Variants in MTA3 observed in about 807,000 individuals in gnomAD.
The protein encoded by MTA3 is metastasis associated 1 family member 3.
In MTA3, 34 loss-of-function variants were observed where a neutral mutation model predicts 83.5. The ratio of observed to expected loss-of-function variants is 0.41; its 90% confidence interval spans 0.31 to 0.54. MTA3 has a LOEUF of 0.54. MTA3 is among the 20% of genes least tolerant of loss of function. The pLI is 0.33. For synonymous variants in MTA3, 303 were observed against 252.7 expected, an observed-to-expected ratio of 1.20 and a Z score of -1.89; for missense variants, 761 against 726.4, an observed-to-expected ratio of 1.05 and a Z score of -0.55.
chr2:42,646,602 G>C (rs1357394404), intron 6 of MTA3, among the ~76,000 whole-genome samples: 2 of 152,176 alleles, frequency 1.3e-5, no homozygotes, highest in African/African-American at 4.8e-5. Context: ...AGTTATGGTG[G>C]ATATAATATG....
intron 2 of MTA3, among the ~76,000 whole-genome samples, chr2:42,524,534 C>A (rs1675592374): frequency 7.1e-6 from 1 of 141,580 alleles, no homozygotes; most frequent in African/African-American, 2.6e-5. Flanking sequence ...CCATGTTAGC[C>A]AGGATGGTCT....
At chr2:42,509,895 G>C (rs978193599) in intron 2 of MTA3, among the ~76,000 whole-genome samples, 3 of 152,190 alleles carry the variant, frequency 2.0e-5, no homozygotes, top group Non-Finnish European at 4.4e-5. Context: ...AGTGAGGCTG[G>C]AATTGACCAA....
intron 16 of MTA3, among the ~76,000 whole-genome samples, chr2:42,743,032 G>T (rs1669145730): frequency 6.6e-6 from 1 of 152,184 alleles, no homozygotes; most frequent in South Asian, 2.1e-4. Context: ...TTAGCTCCCT[G>T]TGGGCTCCTC....
intron 4 of MTA3, among the ~76,000 whole-genome samples, chr2:42,638,330 A>G (rs1033301905): frequency 6.6e-6 from 1 of 152,162 alleles, no homozygotes; most frequent in Non-Finnish European, 1.5e-5. Context: ...TAACGGCAGC[A>G]GAGCAATTTC....
chr2:42,501,935 G>A (rs1269418770), intron 2 of MTA3, among the ~76,000 whole-genome samples: 2 of 152,128 alleles, frequency 1.3e-5, no homozygotes, highest in African/African-American at 4.8e-5. Context: ...CCGAGATCGT[G>A]CCACTGCACT....
chr2:42,595,335 C>G (rs879407884), intron 3 of MTA3, among the ~76,000 whole-genome samples: 1 of 151,634 alleles, frequency 6.6e-6, no homozygotes, highest in African/African-American at 2.4e-5. Flanking sequence ...TGGTCTCAAT[C>G]TCCTGACCTC....
intron 4 of MTA3, among the ~76,000 whole-genome samples, chr2:42,624,482 A>G (rs1685888956): frequency 6.6e-6 from 1 of 151,874 alleles, no homozygotes; most frequent in Non-Finnish European, 1.5e-5. Context: ...CACCACACCC[A>G]GCTAATTTTT....
chr2:42,661,465 C>A (rs1168340431), intron 8 of MTA3, among the ~76,000 whole-genome samples: 1 of 132,598 alleles, frequency 7.5e-6, no homozygotes, highest in Non-Finnish European at 1.5e-5. Flanking sequence ...ATGCTCATGC[C>A]ACTTGCCCTC....
intron 3 of MTA3, among the ~76,000 whole-genome samples, chr2:42,583,073 CA>C (rs1231351270): frequency 2.0e-5 from 3 of 151,752 alleles, no homozygotes; most frequent in Non-Finnish European, 4.4e-5. Flanking sequence ...ATTTTACCAC[CA>C]AAAAACGGGG....
intron 9 of MTA3, among the ~76,000 whole-genome samples, chr2:42,688,258 A>AT (rs1281662541): frequency 6.6e-6 from 1 of 152,036 alleles, no homozygotes; most frequent in African/African-American, 2.4e-5. Context: ...TTTAATTATT[A>AT]TTTTTTGTAT....
intron 11 of MTA3, among the ~76,000 whole-genome samples, chr2:42,699,308 C>A (rs1693653997): frequency 6.6e-6 from 1 of 152,080 alleles, no homozygotes; most frequent in Non-Finnish European, 1.5e-5. Context: ...CTCAAGCGAT[C>A]CTCCCACCTC....
At chr2:42,571,160 A>G (rs1046051545) in intron 2 of MTA3, among the ~76,000 whole-genome samples, 26 of 151,836 alleles carry the variant, frequency 1.7e-4, no homozygotes, top group African/African-American at 5.8e-4. Context: ...TGGGAGGCCA[A>G]GGAGGGGGTG....
intron 4 of MTA3, among the ~76,000 whole-genome samples, chr2:42,631,671 T>C (rs1471865999): frequency 6.6e-6 from 1 of 152,202 alleles, no homozygotes; most frequent in African/African-American, 2.4e-5. Context: ...TTATACTCTT[T>C]TAGTTATTTT....
chr2:42,501,463 C>T (rs118191792), intron 2 of MTA3, among the ~76,000 whole-genome samples: 1 of 152,266 alleles, frequency 6.6e-6, no homozygotes, highest in East Asian at 1.9e-4. Flanking sequence ...TGATTCCCTG[C>T]ATATGGCATG....
At chr2:42,529,259 T>C (rs748175224) in intron 2 of MTA3, among the ~76,000 whole-genome samples, 2 of 152,130 alleles carry the variant, frequency 1.3e-5, no homozygotes, top group African/African-American at 2.4e-5. Flanking sequence ...CTAGGCCTCT[T>C]TACTCTCTTT....
At chr2:42,726,448 G>A (rs1667825927) in intron 16 of MTA3, among the ~76,000 whole-genome samples, 1 of 151,776 alleles carries the variant, frequency 6.6e-6, no homozygotes, top group Non-Finnish European at 1.5e-5. Context: ...CTGGTGTGCT[G>A]CACCCATTAA....
chr2:42,710,915 C>G (rs551824781), intron 14 of MTA3, among the ~76,000 whole-genome samples: 1 of 152,020 alleles, frequency 6.6e-6, no homozygotes, highest in African/African-American at 2.4e-5. Context: ...CTCATCTCTA[C>G]TAAAAATTCA....
intron 9 of MTA3, among the ~76,000 whole-genome samples, chr2:42,688,927 A>T (rs895748866): frequency 8.6e-5 from 13 of 151,796 alleles, no homozygotes; most frequent in Non-Finnish European, 1.9e-4. Context: ...AAATTCATTC[A>T]TTTTTTTACT....
At chr2:42,724,624 A>G (rs1272189017) in intron 16 of MTA3, among the ~76,000 whole-genome samples, 1 of 130,812 alleles carries the variant, frequency 7.6e-6, no homozygotes, top group Non-Finnish European at 1.6e-5. Flanking sequence ...AGCGAGGATG[A>G]CAGAGACCCC....
Sources: allele counts gnomAD v4.1 joint callset (sites outside exome capture counted in the v4.1 genomes callset), GRCh38; gene constraint gnomAD v4.1.1; transcripts MANE v1.5; gene names NCBI Gene and HGNC (gene_info 2026-07-23, HGNC 2026-07-21).